XKR9: variants seen among roughly 807,000 people sequenced by gnomAD.
XKR9 encodes XK-related protein 9.
In XKR9, 32 loss-of-function variants were observed where a neutral mutation model predicts 32.0. The ratio of observed to expected loss-of-function variants is 1.00; its 90% confidence interval spans 0.76 to 1.34. The LOEUF is 1.34. XKR9 is among the 40% of genes most tolerant of loss of function. The pLI is 0.00. For missense variants in XKR9, 546 were observed against 429.7 expected (o/e 1.27, Z -2.39); for synonymous variants, 168 against 143.4 (o/e 1.17, Z -1.22).
chr8:71,039,687 A>G, the XKR9 span, among the ~76,000 whole-genome samples: 1 of 152,178 alleles, frequency 6.6e-6, no homozygotes, highest in Non-Finnish European at 1.5e-5. Flanking sequence ...ACTGCTTGCA[A>G]TACTGGAAAT....
chr8:70,774,824 T>C (rs1807497988), intron 2 of XKR9, among the ~76,000 whole-genome samples: 1 of 152,194 alleles, frequency 6.6e-6, no homozygotes, highest in Admixed American at 6.5e-5. Flanking sequence ...TTGCAAGCCC[T>C]GCAACTTTGT....
the XKR9 span, among the ~76,000 whole-genome samples, chr8:70,847,291 CA>C: frequency 4.2e-3 from 633 of 151,888 alleles, 7 homozygotes; most frequent in African/African-American, 0.014. Flanking sequence ...TTTCTTAAAA[CA>C]AATGAAAATG....
At chr8:70,868,596 C>T in the XKR9 span, among the ~76,000 whole-genome samples, 1 of 152,108 alleles carries the variant, frequency 6.6e-6, no homozygotes, top group Admixed American at 6.5e-5. Context: ...ACCCTGGGCC[C>T]AGCCCATGAA....
chr8:70,678,670 A>G (rs1199952501), intron 2 of XKR9, among the ~76,000 whole-genome samples: 1 of 152,296 alleles, frequency 6.6e-6, no homozygotes, highest in East Asian at 1.9e-4. Flanking sequence ...TAGATTTTTA[A>G]AACTCAGTTT....
chr8:70,738,225 C>A (rs1461961996), downstream of XKR9, among the ~76,000 whole-genome samples: 1 of 138,314 alleles, frequency 7.2e-6, no homozygotes, highest in African/African-American at 2.6e-5. Flanking sequence ...GGAATTTATC[C>A]ATTTCTTCTA....
chr8:70,734,558 C>A lies in XKR9; in HGVS notation c.*134C>A. 1.7e-6 allele frequency: 2 copies of A among 1,148,052 alleles called. No individual in the cohort carries two copies. Among genetic ancestry groups the A allele is most frequent in the Non-Finnish European group, 2.3e-6 (2 of 888,866 alleles). 71.1% of individuals were successfully genotyped at this position (1,148,052 alleles called of 1,614,324 possible). A position where few individuals can be genotyped will look rare whatever the true frequency, so the allele number is the denominator to read the frequency against. On this transcript the variant is annotated 3_prime_UTR_variant, in exon 5 of 5. Coordinates refer to ENST00000408926, the MANE Select transcript of XKR9 (RefSeq NM_001011720.2). The stretch of plus-strand genomic sequence containing the variant: ...AATTAGTTCAGTGAAATAGGAGATA[C>A]ATAGTAGTATTTTATTTTTAAAATT...
the XKR9 span, among the ~76,000 whole-genome samples, chr8:70,984,989 G>A: frequency 6.6e-6 from 1 of 152,026 alleles, no homozygotes; most frequent in East Asian, 1.9e-4. Flanking sequence ...GATTTCCCAA[G>A]TATTCATAAT....
chr8:70,758,321 CAAT>C (rs1807258754), intron 2 of XKR9, among the ~76,000 whole-genome samples: 1 of 152,114 alleles, frequency 6.6e-6, no homozygotes, highest in Admixed American at 6.6e-5. Context: ...TGGTAAACTC[CAAT>C]AATTGCCAGA....
At chr8:70,670,232 G>A (rs1354517350) in intron 1 of XKR9, among the ~76,000 whole-genome samples, 2 of 152,112 alleles carry the variant, frequency 1.3e-5, no homozygotes, top group African/African-American at 2.4e-5. Context: ...GCCTCTGCCT[G>A]CCAGTGTTAC....
chr8:70,945,819 A>T, the XKR9 span, among the ~76,000 whole-genome samples: 1 of 152,154 alleles, frequency 6.6e-6, no homozygotes, highest in African/African-American at 2.4e-5. Flanking sequence ...CAGCCCATTG[A>T]CTTACAGACT....
intron 3 of XKR9, among the ~76,000 whole-genome samples, chr8:70,702,294 A>G (rs183104808): frequency 6.6e-6 from 1 of 152,150 alleles, no homozygotes; most frequent in African/African-American, 2.4e-5. Flanking sequence ...AACATACTTC[A>G]TAGGATTACA....
At chr8:70,733,592 T>G (rs1215237350) in intron 4 of XKR9, among the ~76,000 whole-genome samples, 1 of 152,116 alleles carries the variant, frequency 6.6e-6, no homozygotes, top group Non-Finnish European at 1.5e-5. Flanking sequence ...TTACTAGCTT[T>G]GCAACTTGGG....
chr8:70,830,378 C>T, the XKR9 span, among the ~76,000 whole-genome samples: 26 of 149,944 alleles, frequency 1.7e-4, no homozygotes, highest in South Asian at 4.8e-3. Context: ...CCAAAGAGTT[C>T]GAGACCTGCC....
the XKR9 span, among the ~76,000 whole-genome samples, chr8:70,871,192 T>C: frequency 6.6e-6 from 1 of 152,210 alleles, no homozygotes; most frequent in African/African-American, 2.4e-5. Context: ...CTAATTCATA[T>C]ATGTATTCAT....
the XKR9 span, among the ~76,000 whole-genome samples, chr8:71,040,430 G>C: frequency 1.3e-5 from 2 of 152,264 alleles, no homozygotes; most frequent in South Asian, 4.1e-4. Context: ...CAACATACTA[G>C]GTAATTGTGA....
the XKR9 span, among the ~76,000 whole-genome samples, chr8:70,867,588 A>T: frequency 1.3e-5 from 2 of 152,142 alleles, no homozygotes; most frequent in East Asian, 3.9e-4. Context: ...AGTAGCTGGG[A>T]TTACAGGCTT....
At chr8:70,700,792 A>C (rs1805496950) in intron 3 of XKR9, among the ~76,000 whole-genome samples, 1 of 152,154 alleles carries the variant, frequency 6.6e-6, no homozygotes, top group Admixed American at 6.5e-5. Context: ...CCAGAGGTGG[A>C]GCCTACAGAG....
At chr8:71,039,496 T>A in the XKR9 span, among the ~76,000 whole-genome samples, 1 of 152,192 alleles carries the variant, frequency 6.6e-6, no homozygotes. Context: ...TAAGTATGTT[T>A]TCTAATGAAT....
chr8:70,711,455 T>C (rs1486498258), intron 4 of XKR9, among the ~76,000 whole-genome samples: 3 of 152,162 alleles, frequency 2.0e-5, no homozygotes, highest in Non-Finnish European at 4.4e-5. Flanking sequence ...TAAAAAAGAA[T>C]GAAATCATGT....
Sources: allele counts gnomAD v4.1 joint callset (sites outside exome capture counted in the v4.1 genomes callset), GRCh38; gene constraint gnomAD v4.1.1; transcripts MANE v1.5; gene names NCBI Gene and HGNC (gene_info 2026-07-23, HGNC 2026-07-21).